TMEM181: variants seen among roughly 807,000 people sequenced by gnomAD.
TMEM181 encodes the protein G protein-coupled receptor 178.
TMEM181 carries 39 observed loss-of-function variants against 71.9 expected under a neutral mutation model. That is an observed-to-expected ratio of 0.54 (90% CI 0.42 to 0.71). The LOEUF is 0.71. TMEM181 is among the 30% of genes least tolerant of loss of function. The pLI, the probability that TMEM181 is intolerant of heterozygous loss-of-function variation, is 0.00. For missense variants in TMEM181, 595 were observed against 583.0 expected (o/e 1.02, Z -0.21); for synonymous variants, 245 against 228.8 (o/e 1.07, Z -0.64).
At chr6:158,618,249 T>G (rs1034967308) in intron 10 of TMEM181, among the ~76,000 whole-genome samples, 3 of 152,344 alleles carry the variant, frequency 2.0e-5, no homozygotes, top group South Asian at 4.1e-4. Context: ...TCTTTGTCTC[T>G]TTTGATCTTT....
intron 1 of TMEM181, 71 bp from the exon 2 acceptor site, chr6:158,573,349 C>T (rs1782980506): frequency 5.8e-6 from 7 of 1,199,998 alleles, no homozygotes; most frequent in Admixed American, 2.0e-5. Flanking sequence ...AGGGGTGTTG[C>T]TGCAGGGCCG....
Position 158,633,614 on chromosome 6 carries a change from A to G in TMEM181, c.*1726A>G, listed in dbSNP as rs1478884513. Reference sequence around the variant, plus strand: ...AGTAGTGCTAGGTAGGACCTTAGAGATGTTCATGAGAAACTATTTGTTATG... The same window carrying G: ...AGTAGTGCTAGGTAGGACCTTAGAGGTGTTCATGAGAAACTATTTGTTATG... On this transcript the variant is annotated 3_prime_UTR_variant, in exon 17 of 17. Coordinates refer to ENST00000684151, the MANE Select transcript of TMEM181 (RefSeq NM_001376852.1). 6 of 152,164 alleles carry G rather than the reference A, an allele frequency of 3.9e-5. No individual in the cohort carries two copies. The highest frequency in any genetic ancestry group is 9.7e-5 in the African/African-American group (4 of 41,430). The allele number at this position is 152,164 out of a possible 1,614,324, so 9.4% of individuals were successfully genotyped here.
At chr6:158,612,830 C>T (rs1415223390) in intron 10 of TMEM181, among the ~76,000 whole-genome samples, 5 of 152,174 alleles carry the variant, frequency 3.3e-5, no homozygotes, top group Non-Finnish European at 7.3e-5. Context: ...GATATCCTAC[C>T]CTCAGGGTGC....
chr6:158,615,937 T>C (rs1017701035), intron 10 of TMEM181, among the ~76,000 whole-genome samples: 9 of 152,242 alleles, frequency 5.9e-5, no homozygotes, highest in African/African-American at 2.2e-4. Flanking sequence ...AGCTTTGTTC[T>C]TTTTGCTTAG....
chr6:158,611,252 G>A, intron 10 of TMEM181: 1 of 496,608 alleles, frequency 2.0e-6, no homozygotes, highest in East Asian at 5.8e-5. Flanking sequence ...GACACTCCTG[G>A]CTGTTCCTTC....
chr6:158,582,901 A>C (rs779117297), intron 3 of TMEM181, among the ~76,000 whole-genome samples: 25 of 152,360 alleles, frequency 1.6e-4, no homozygotes, highest in South Asian at 4.1e-4. Context: ...TAAAAATAGC[A>C]GACGTCAAAG....
At chr6:158,564,404 C>T (rs1417415430) in intron 1 of TMEM181, among the ~76,000 whole-genome samples, 1 of 152,318 alleles carries the variant, frequency 6.6e-6, no homozygotes. Flanking sequence ...GCCGATGTGC[C>T]TGTCTTACAG....
At chr6:158,553,341 A>C (rs1781775058) in intron 1 of TMEM181, among the ~76,000 whole-genome samples, 1 of 152,226 alleles carries the variant, frequency 6.6e-6, no homozygotes, top group Admixed American at 6.5e-5. Context: ...ATTTATTTTT[A>C]ACAATTATAC....
At chr6:158,570,945 G>A (rs1368279371) in intron 1 of TMEM181, among the ~76,000 whole-genome samples, 3 of 150,570 alleles carry the variant, frequency 2.0e-5, no homozygotes, top group Non-Finnish European at 4.4e-5. Flanking sequence ...ATGGAGTCTC[G>A]CTCTGTCACC....
chr6:158,633,932 C>CTT lies in TMEM181; in HGVS notation c.*2047_*2048dup, dbSNP rs1786801078. On this transcript the variant is annotated 3_prime_UTR_variant, in exon 17 of 17. Transcript: ENST00000684151. ...ACATATTCTGTGATATGGTTTACAA[C>CTT]TTTTAATCATAATTGTCCATGATTT... The CTT allele has an allele frequency of 6.6e-6, 1 of 152,108 alleles. No homozygotes were observed. Among genetic ancestry groups the CTT allele is most frequent in the East Asian group, 1.9e-4 (1 of 5,198 alleles). The allele number at this position is 152,108 out of a possible 1,614,324, so 9.4% of individuals were successfully genotyped here. A position where few individuals can be genotyped will look rare whatever the true frequency, so the allele number is the denominator to read the frequency against.
rs751065878 is a variant in TMEM181 at position 158,573,443 on chromosome 6, C to T, written c.32C>T (p.Thr11Met). 25 of 1,593,678 alleles carry T rather than the reference C, an allele frequency of 1.6e-5. No homozygotes were observed. The highest frequency in any genetic ancestry group is 1.2e-4 in the African/African-American group (9 of 74,322). Residue 11 changes from threonine (T) to methionine (M), a missense_variant, in exon 2 of 17, where the codon ACG becomes ATG. Thr to Met is a moderately conservative substitution (Grantham distance 81). Transcript: ENST00000684151. ...AGGCTGGCGCCCATGCGGCTCTACA[C>T]GCTCTCCAAGCGCCACTTTGTCCTC... Reference protein sequence around the residue: MEPLAPMRLYTLSKRHFVLVF... With the variant: MEPLAPMRLYMLSKRHFVLVF...
chr6:158,578,633 TTA>T (rs1261235108), intron 2 of TMEM181, among the ~76,000 whole-genome samples: 35 of 152,162 alleles, frequency 2.3e-4, no homozygotes, highest in African/African-American at 8.4e-4. Context: ...TGGTATAAAT[TTA>T]GAGTGTTATA....
chr6:158,632,001 C>A lies in TMEM181; in HGVS notation c.*113C>A. ...TTCTTACAAGCAGAGATTTCCTGTT[C>A]ATTTGTTTACATATTTTTTTAAAGG... On this transcript the variant is annotated 3_prime_UTR_variant, in exon 17 of 17. Coordinates refer to ENST00000684151, the MANE Select transcript of TMEM181 (RefSeq NM_001376852.1). 9.6e-7 allele frequency: 1 copy of A among 1,042,300 alleles called. No homozygotes were observed. The highest frequency in any genetic ancestry group is 1.4e-6 in the Non-Finnish European group (1 of 722,508). The allele number at this position is 1,042,300 out of a possible 1,614,324, so 64.6% of individuals were successfully genotyped here.
At chr6:158,594,138 G>T (rs908991495) in intron 6 of TMEM181, among the ~76,000 whole-genome samples, 2 of 126,678 alleles carry the variant, frequency 1.6e-5, no homozygotes, top group Admixed American at 9.4e-5. Context: ...AGAGTCTGTT[G>T]CCCAGGCTGG....
chr6:158,603,836 C>G (rs1211700030), intron 6 of TMEM181, among the ~76,000 whole-genome samples: 1 of 151,888 alleles, frequency 6.6e-6, no homozygotes, highest in Non-Finnish European at 1.5e-5. Flanking sequence ...GTGTCTGGTA[C>G]TTTTGGTTCA....
intron 6 of TMEM181, among the ~76,000 whole-genome samples, chr6:158,599,976 G>A (rs780990866): frequency 2.0e-5 from 3 of 152,176 alleles, no homozygotes; most frequent in East Asian, 1.9e-4. Flanking sequence ...GGATGGGGAC[G>A]CATGATAGGA....
intron 1 of TMEM181, among the ~76,000 whole-genome samples, chr6:158,554,729 G>A (rs1457945800): frequency 6.6e-6 from 1 of 152,146 alleles, no homozygotes; most frequent in Non-Finnish European, 1.5e-5. Context: ...CATAATACAC[G>A]TACATGTGTA....
chr6:158,573,144 G>T (rs1379286705), intron 1 of TMEM181, among the ~76,000 whole-genome samples: 1 of 152,180 alleles, frequency 6.6e-6, no homozygotes, highest in Non-Finnish European at 1.5e-5. Context: ...CATTCTCCTC[G>T]AGTGTGGGGT....
chr6:158,565,636 AGAGT>A (rs1212879900), intron 1 of TMEM181, among the ~76,000 whole-genome samples: 1 of 152,208 alleles, frequency 6.6e-6, no homozygotes, highest in Non-Finnish European at 1.5e-5. Context: ...AAAACAGGGA[AGAGT>A]GAGTTAGTAA....
Sources: gnomAD v4.1 joint callset for allele counts (sites outside exome capture counted in the v4.1 genomes callset) on GRCh38, gnomAD v4.1.1 for gene constraint, MANE v1.5 for transcripts, NCBI Gene and HGNC (gene_info 2026-07-23, HGNC 2026-07-21) for gene names.